ERICH6B: variants seen among roughly 807,000 people sequenced by gnomAD.
ERICH6B encodes the protein glutamate rich 6B, also known as glutamate-rich protein 6B.
A neutral mutation model predicts 80.0 loss-of-function variants in ERICH6B; 69 were observed. That is an observed-to-expected ratio of 0.86 (90% confidence interval 0.71 to 1.05). ERICH6B has a LOEUF of 1.05. ERICH6B is among the 50% of genes least tolerant of loss of function. The pLI is 0.00. For synonymous variants in ERICH6B, 283 were observed against 291.9 expected (o/e 0.97, Z 0.31); for missense variants, 754 against 796.1 (o/e 0.95, Z 0.64).
chr13:45,603,274 A>G (rs1949837608), intron 2 of ERICH6B, among the ~76,000 whole-genome samples: 1 of 152,184 alleles, frequency 6.6e-6, no homozygotes, highest in African/African-American at 2.4e-5. Context: ...TCCAGTGCTA[A>G]TCTCTTCCAG....
At chr13:45,593,223 T>C (rs552389022) in intron 3 of ERICH6B, among the ~76,000 whole-genome samples, 40 of 152,268 alleles carry the variant, frequency 2.6e-4, no homozygotes, top group Non-Finnish European at 5.4e-4. Context: ...TGTAACCTGA[T>C]TTGTCCAGGG....
chr13:45,602,639 C>T (rs1040435217), intron 2 of ERICH6B, among the ~76,000 whole-genome samples: 3 of 152,190 alleles, frequency 2.0e-5, no homozygotes, highest in African/African-American at 7.2e-5. Context: ...TAACAGACGT[C>T]TCAAACTCAC....
chr13:45,611,951 C>G (rs565788346), intron 1 of ERICH6B, among the ~76,000 whole-genome samples: 1 of 152,326 alleles, frequency 6.6e-6, no homozygotes, highest in East Asian at 1.9e-4. Flanking sequence ...GCTACATAGT[C>G]CAACTTGCTT....
chr13:45,601,107 C>T (rs192341386), intron 2 of ERICH6B, among the ~76,000 whole-genome samples: 45 of 152,294 alleles, frequency 3.0e-4, no homozygotes, highest in Admixed American at 2.3e-3. Context: ...CCTGACGATG[C>T]CTTGATGTTT....
At chr13:45,566,394 G>A (rs1427585462) in intron 9 of ERICH6B, among the ~76,000 whole-genome samples, 1 of 152,238 alleles carries the variant, frequency 6.6e-6, no homozygotes, top group Non-Finnish European at 1.5e-5. Flanking sequence ...GGTGTCAGAG[G>A]TCTTCACAGC....
intron 2 of ERICH6B, among the ~76,000 whole-genome samples, chr13:45,600,838 T>C (rs1949822957): frequency 6.6e-6 from 1 of 152,240 alleles, no homozygotes; most frequent in Non-Finnish European, 1.5e-5. Flanking sequence ...GATGTAATGA[T>C]TTCTTTTCCT....
chr13:45,614,656 T>C (rs1463639625), intron 1 of ERICH6B, among the ~76,000 whole-genome samples: 1 of 152,244 alleles, frequency 6.6e-6, no homozygotes, highest in Admixed American at 6.5e-5. Context: ...TCCCAGCCGA[T>C]GCTTGGAAAC....
rs2137976141 is a variant in ERICH6B, at chr13:45,561,610, C to T, written c.1250-84G>A. 3 of 1,464,018 alleles carry T rather than the reference C, an allele frequency of 2.0e-6. No individual in the cohort carries two copies. In the Admixed American group the frequency reaches 6.6e-5, roughly 32 times the overall value. 90.7% of individuals were successfully genotyped at this position (1,464,018 alleles called of 1,614,324 possible). A position where few individuals can be genotyped will look rare whatever the true frequency, so the allele number is the denominator to read the frequency against. ...CTTAGATCTGTCTCTCTCAAGGTGC[C>T]AAAGGGAGTTTGAGGGTTTGGGAGA... is the stretch of plus-strand genomic sequence containing the variant. On this transcript the variant is annotated intron_variant, in intron 10 of 14. Coordinates refer to ENST00000298738, the MANE Select transcript of ERICH6B (RefSeq NM_182542.3).
chr13:45,554,458 G>A (rs1464266390), intron 11 of ERICH6B, among the ~76,000 whole-genome samples: 1 of 152,142 alleles, frequency 6.6e-6, no homozygotes, highest in Non-Finnish European at 1.5e-5. Context: ...GTTTTTCATG[G>A]GTAGCGGGTA....
chr13:45,596,325 A>G, intron 3 of ERICH6B, 44 bp downstream of exon 3: 1 of 1,509,830 alleles, frequency 6.6e-7, no homozygotes, highest in African/African-American at 1.4e-5. Flanking sequence ...TCCCTTTCAG[A>G]TACTTTTCCT....
intron 8 of ERICH6B, 68 bp downstream of exon 8, chr13:45,574,774 G>T: frequency 8.0e-7 from 1 of 1,255,948 alleles, no homozygotes; most frequent in South Asian, 1.3e-5. Flanking sequence ...GCTTGCCTGG[G>T]CTAGGCTTGG....
At chr13:45,551,045 A>T (rs1481123025) in intron 11 of ERICH6B, among the ~76,000 whole-genome samples, 1 of 152,174 alleles carries the variant, frequency 6.6e-6, no homozygotes, top group Non-Finnish European at 1.5e-5. Context: ...AGTTTTTGCA[A>T]ACTGTTTTTC....
At chr13:45,556,136 G>C (rs147437656) in intron 11 of ERICH6B, among the ~76,000 whole-genome samples, 1 of 151,336 alleles carries the variant, frequency 6.6e-6, no homozygotes, top group African/African-American at 2.4e-5. Flanking sequence ...CTGTTTCCTC[G>C]TGGCTCCTAA....
chr13:45,547,377 A>G (rs891813905), intron 13 of ERICH6B, among the ~76,000 whole-genome samples: 1 of 152,122 alleles, frequency 6.6e-6, no homozygotes, highest in African/African-American at 2.4e-5. Context: ...GTGGGTTCTC[A>G]ATTTTAAGGT....
chr13:45,556,885 T>C (rs541052960), intron 11 of ERICH6B, among the ~76,000 whole-genome samples: 1 of 152,328 alleles, frequency 6.6e-6, no homozygotes, highest in African/African-American at 2.4e-5. Context: ...TGAATTGTGC[T>C]GCTATGAACA....
At chr13:45,605,687 C>G (rs1349327233) in intron 2 of ERICH6B, among the ~76,000 whole-genome samples, 1 of 152,184 alleles carries the variant, frequency 6.6e-6, no homozygotes, top group African/African-American at 2.4e-5. Flanking sequence ...GGGGTCTCCC[C>G]CTGCACACTG....
At chr13:45,548,287 G>A (rs1235684899) in intron 13 of ERICH6B, among the ~76,000 whole-genome samples, 2 of 152,234 alleles carry the variant, frequency 1.3e-5, no homozygotes, top group Non-Finnish European at 2.9e-5. Context: ...CCATGGAGAA[G>A]TCCTGTTGGT....
chr13:45,561,662 G>A, intron 10 of ERICH6B, 136 bp from the exon 11 acceptor site: 4 of 908,920 alleles, frequency 4.4e-6, no homozygotes, highest in South Asian at 1.8e-5. Flanking sequence ...AGTGAGGAAG[G>A]CTGTCGGGTA....
intron 3 of ERICH6B, among the ~76,000 whole-genome samples, chr13:45,595,790 G>A (rs922169738): frequency 6.6e-6 from 1 of 150,612 alleles, no homozygotes; most frequent in Non-Finnish European, 1.5e-5. Context: ...CCACAGGTGT[G>A]TGCCACCACA....
Sources: gnomAD v4.1 joint callset for allele counts (sites outside exome capture counted in the v4.1 genomes callset) on GRCh38, gnomAD v4.1.1 for gene constraint, MANE v1.5 for transcripts, NCBI Gene and HGNC (gene_info 2026-07-23, HGNC 2026-07-21) for gene names.